Variants in CRADD observed in about 807,000 individuals in gnomAD.
The protein encoded by CRADD is CARD and death domain containing adaptor protein, also known as death domain-containing protein CRADD.
A neutral mutation model predicts 15.5 loss-of-function variants in CRADD; 9 were observed. That is an observed-to-expected ratio of 0.58 (90% CI 0.35 to 1.01). The LOEUF is 1.01. Among genes scored for constraint, CRADD ranks in the 50% least tolerant of loss-of-function variants. The probability of loss-of-function intolerance (pLI) is 0.02; values close to 1 mark genes in which losing one functional copy is unlikely to be tolerated. For synonymous variants in CRADD, 118 were observed against 107.6 expected, an observed-to-expected ratio of 1.10 and a Z score of -0.60; for missense variants, 227 against 250.3, an observed-to-expected ratio of 0.91 and a Z score of 0.63.
intron 2 of CRADD, among the ~76,000 whole-genome samples, chr12:93,840,159 A>G (rs1357860977): frequency 6.6e-6 from 1 of 152,202 alleles, no homozygotes; most frequent in African/African-American, 2.4e-5. Flanking sequence ...TTGTCACAAT[A>G]GGAATTGGCA....
intron 2 of CRADD, among the ~76,000 whole-genome samples, chr12:93,687,776 C>G (rs1955471278): frequency 6.6e-6 from 1 of 152,128 alleles, no homozygotes; most frequent in South Asian, 2.1e-4. Context: ...CCTTGAATTT[C>G]CTGAGCATTG....
At chr12:93,861,747 C>T (rs1421712722) in intron 2 of CRADD, among the ~76,000 whole-genome samples, 1 of 152,234 alleles carries the variant, frequency 6.6e-6, no homozygotes, top group African/African-American at 2.4e-5. Context: ...AGCTCCATCC[C>T]AGACTCAGCC....
At chr12:93,681,528 C>CA (rs1418582775) in intron 2 of CRADD, among the ~76,000 whole-genome samples, 1 of 152,018 alleles carries the variant, frequency 6.6e-6, no homozygotes, top group Non-Finnish European at 1.5e-5. Flanking sequence ...TCCACGGTGA[C>CA]AATCACATAA....
At chr12:93,829,281 T>C (rs1275383138) in intron 2 of CRADD, among the ~76,000 whole-genome samples, 3 of 152,150 alleles carry the variant, frequency 2.0e-5, no homozygotes, top group African/African-American at 7.2e-5. Context: ...CCCAGCTGGC[T>C]GGAGGCTCAT....
At chr12:93,860,560 A>C (rs905901342) in intron 2 of CRADD, among the ~76,000 whole-genome samples, 3 of 152,188 alleles carry the variant, frequency 2.0e-5, no homozygotes, top group African/African-American at 4.8e-5. Context: ...TACTGTTGCC[A>C]AAAGGTCAGC....
intron 2 of CRADD, among the ~76,000 whole-genome samples, chr12:93,833,564 T>C (rs1013715630): frequency 1.2e-4 from 19 of 152,114 alleles, no homozygotes; most frequent in Admixed American, 1.1e-3. Context: ...CAGGCTAGTC[T>C]TGAACTCCTG....
At chr12:93,702,635 C>T (rs550912583) in intron 2 of CRADD, among the ~76,000 whole-genome samples, 11 of 151,548 alleles carry the variant, frequency 7.3e-5, no homozygotes, top group African/African-American at 2.4e-4. Flanking sequence ...AAGACGGAAA[C>T]AATTCAACCT....
chr12:93,758,606 G>A (rs1956916763), intron 2 of CRADD, among the ~76,000 whole-genome samples: 1 of 151,846 alleles, frequency 6.6e-6, no homozygotes, highest in South Asian at 2.1e-4. Context: ...GTTCACCACA[G>A]CTTTGAATAA....
chr12:93,784,359 A>G (rs953598829), intron 2 of CRADD, among the ~76,000 whole-genome samples: 7 of 152,066 alleles, frequency 4.6e-5, no homozygotes, highest in African/African-American at 7.2e-5. Flanking sequence ...TTAACTCTCA[A>G]TGTCCCATTT....
intron 2 of CRADD, among the ~76,000 whole-genome samples, chr12:93,736,666 C>G (rs1956575512): frequency 1.3e-5 from 2 of 152,328 alleles, no homozygotes; most frequent in African/African-American, 4.8e-5. Flanking sequence ...TCTAGTTTCT[C>G]AGATCCTACC....
At chr12:93,872,204 C>T (rs1215607411) in intron 2 of CRADD, among the ~76,000 whole-genome samples, 3 of 152,058 alleles carry the variant, frequency 2.0e-5, no homozygotes, top group Non-Finnish European at 2.9e-5. Context: ...GCCATTTGTA[C>T]GTTTTCTGTT....
chr12:93,886,057 A>C (rs1041394192), intron 2 of CRADD, among the ~76,000 whole-genome samples: 1 of 151,498 alleles, frequency 6.6e-6, no homozygotes, highest in Non-Finnish European at 1.5e-5. Flanking sequence ...TAAAATAAGG[A>C]TCTCTGTAGG....
intron 2 of CRADD, among the ~76,000 whole-genome samples, chr12:93,759,624 C>T (rs1470965348): frequency 6.6e-6 from 1 of 152,120 alleles, no homozygotes; most frequent in East Asian, 1.9e-4. Context: ...CCTACTGCTC[C>T]CTTTACCCCC....
At chr12:93,734,862 T>C (rs1956536631) in intron 2 of CRADD, among the ~76,000 whole-genome samples, 1 of 152,144 alleles carries the variant, frequency 6.6e-6, no homozygotes, top group Admixed American at 6.6e-5. Flanking sequence ...CTAATCCCAC[T>C]CAACTCACAG....
intron 2 of CRADD, among the ~76,000 whole-genome samples, chr12:93,709,396 C>T (rs962130441): frequency 6.6e-6 from 1 of 152,118 alleles, no homozygotes. Context: ...ATCTTTTCTG[C>T]TCCTCTCCCT....
At chr12:93,700,242 C>T (rs1955812881) in intron 2 of CRADD, among the ~76,000 whole-genome samples, 1 of 152,172 alleles carries the variant, frequency 6.6e-6, no homozygotes, top group African/African-American at 2.4e-5. Context: ...GCACCTGCCA[C>T]TTACTTTAGG....
At chr12:93,802,639 C>T (rs1013903862) in intron 2 of CRADD, among the ~76,000 whole-genome samples, 2 of 152,154 alleles carry the variant, frequency 1.3e-5, no homozygotes, top group African/African-American at 2.4e-5. Flanking sequence ...TTTGTGGGGC[C>T]TCTGAATGTC....
At chr12:93,707,572 G>A (rs1405143533) in intron 2 of CRADD, among the ~76,000 whole-genome samples, 2 of 152,116 alleles carry the variant, frequency 1.3e-5, no homozygotes, top group Non-Finnish European at 2.9e-5. Flanking sequence ...ATGTGAGGAT[G>A]GAAGCTTCAA....
intron 2 of CRADD, among the ~76,000 whole-genome samples, chr12:93,888,251 C>G (rs920215412): frequency 2.0e-5 from 3 of 152,038 alleles, no homozygotes; most frequent in African/African-American, 7.2e-5. Context: ...CGGTGAAACC[C>G]CGTCTCTACT....
Sources: allele counts gnomAD v4.1 joint callset (sites outside exome capture counted in the v4.1 genomes callset), GRCh38; gene constraint gnomAD v4.1.1; transcripts MANE v1.5; gene names NCBI Gene and HGNC (gene_info 2026-07-23, HGNC 2026-07-21).